KLHDC1: variants seen among roughly 807,000 people sequenced by gnomAD.
KLHDC1 encodes kelch domain-containing protein 1.
In KLHDC1, 53 loss-of-function variants were observed where a neutral mutation model predicts 68.3. That is an observed-to-expected ratio of 0.78 (90% CI 0.62 to 0.98). The LOEUF (loss-of-function observed/expected upper bound fraction) is 0.98, where lower values mean the gene tolerates loss of function less well. KLHDC1 is among the 50% of genes least tolerant of loss of function. KLHDC1 has a pLI of 0.00. For synonymous variants in KLHDC1, 148 were observed against 159.0 expected (o/e 0.93, Z 0.52); for missense variants, 470 against 492.3 (o/e 0.95, Z 0.43).
chr14:49,703,404 A>G (rs947296144), intron 1 of KLHDC1, among the ~76,000 whole-genome samples: 2 of 151,142 alleles, frequency 1.3e-5, no homozygotes, highest in African/African-American at 4.9e-5. Flanking sequence ...TTGCAGTGAC[A>G]TGATCTTAGC....
chr14:49,699,265 A>G (rs1887832948), intron 1 of KLHDC1, among the ~76,000 whole-genome samples: 1 of 152,108 alleles, frequency 6.6e-6, no homozygotes, highest in Admixed American at 6.6e-5. Context: ...AGATGCTGTA[A>G]GAACCACTCT....
chr14:49,701,362 T>C (rs1047922826), intron 1 of KLHDC1, among the ~76,000 whole-genome samples: 3 of 151,932 alleles, frequency 2.0e-5, no homozygotes, highest in Non-Finnish European at 4.4e-5. Context: ...ATCAGACTTC[T>C]AAAAAACTGA....
chr14:49,741,339 G>A (rs946501618), intron 11 of KLHDC1, among the ~76,000 whole-genome samples: 34 of 148,724 alleles, frequency 2.3e-4, no homozygotes, highest in African/African-American at 7.7e-4. Flanking sequence ...ACAGGATTTC[G>A]CTGTTACCCA....
At chr14:49,696,915 A>G (rs1887759952) in intron 1 of KLHDC1, among the ~76,000 whole-genome samples, 2 of 151,066 alleles carry the variant, frequency 1.3e-5, no homozygotes, top group Admixed American at 1.3e-4. Flanking sequence ...AGTCCATTGT[A>G]GGGTTACTAA....
chr14:49,696,563 C>G (rs905392260), intron 1 of KLHDC1, among the ~76,000 whole-genome samples: 1 of 152,138 alleles, frequency 6.6e-6, no homozygotes, highest in African/African-American at 2.4e-5. Flanking sequence ...TTTCTCAATT[C>G]TCTCAGCCTT....
chr14:49,706,543 A>G (rs1375596586), intron 1 of KLHDC1, among the ~76,000 whole-genome samples: 1 of 152,144 alleles, frequency 6.6e-6, no homozygotes, highest in Non-Finnish European at 1.5e-5. Context: ...TTTAGTTTTT[A>G]AAGAAACCTC....
At chr14:49,732,166 G>T (rs777303288) in intron 8 of KLHDC1, among the ~76,000 whole-genome samples, 20 of 151,454 alleles carry the variant, frequency 1.3e-4, no homozygotes, top group Non-Finnish European at 2.5e-4. Context: ...CATTAACGGA[G>T]AATTGACTTT....
chr14:49,704,014 T>A (rs747944019), intron 1 of KLHDC1, among the ~76,000 whole-genome samples: 2 of 152,206 alleles, frequency 1.3e-5, no homozygotes, highest in Non-Finnish European at 2.9e-5. Context: ...ATCTCCAAAA[T>A]TATTTGGAAA....
chr14:49,729,158 ACAG>A, intron 7 of KLHDC1, 149 bp downstream of exon 7: 4 of 627,910 alleles, frequency 6.4e-6, no homozygotes, highest in Non-Finnish European at 1.1e-5. Flanking sequence ...TAATTCATAA[ACAG>A]ACCATACATG....
rs1175705109 is a variant in KLHDC1 at position 49,726,058 on chromosome 14, C to T, written c.567+289C>T. Among the ~76,000 whole-genome samples, 4 of 152,030 alleles carry T rather than the reference C, an allele frequency of 2.6e-5. No homozygotes were observed. In the East Asian group the frequency reaches 5.8e-4, roughly 22 times the overall value. ...AGACGGAATTTTGCCATGTTGGCCA[C>T]GCTGGTCTGGAACTCCTGACCTCAA... On this transcript the variant is annotated intron_variant, in intron 6 of 12. Coordinates refer to ENST00000359332, the MANE Select transcript of KLHDC1 (RefSeq NM_172193.3).
At chr14:49,724,535 A>G (rs1888616745) in intron 5 of KLHDC1, among the ~76,000 whole-genome samples, 1 of 151,952 alleles carries the variant, frequency 6.6e-6, no homozygotes, top group African/African-American at 2.4e-5. Context: ...ACATTAGTGT[A>G]AATACATATA....
intron 1 of KLHDC1, among the ~76,000 whole-genome samples, chr14:49,703,342 GA>G (rs1053593456): frequency 6.7e-5 from 10 of 150,348 alleles, no homozygotes. Flanking sequence ...TTTCTTTCAT[GA>G]ATTTTTTTTT....
chr14:49,747,056 C>G (rs1425093647), intron 12 of KLHDC1, among the ~76,000 whole-genome samples: 2 of 151,804 alleles, frequency 1.3e-5, no homozygotes, highest in African/African-American at 2.4e-5. Context: ...ACGCCATTCT[C>G]CTGCCTCAGC....
At chr14:49,750,606 C>G (rs1007774588) in intron 12 of KLHDC1, among the ~76,000 whole-genome samples, 2 of 152,096 alleles carry the variant, frequency 1.3e-5, no homozygotes, top group African/African-American at 4.8e-5. Flanking sequence ...GCTAAAGTTA[C>G]CCACAGCAGA....
In KLHDC1 at chr14:49,710,316, C is replaced by G. The variant is rs373777909; in HGVS notation, c.339C>G (p.Ile113Met). 1 of 1,612,426 alleles carries G rather than the reference C, an allele frequency of 6.2e-7. No homozygotes were observed. Among genetic ancestry groups the G allele is most frequent in the Non-Finnish European group, 8.5e-7 (1 of 1,178,774 alleles). The change falls in exon 4 of 13, where the codon ATC becomes ATG. Residue 113 changes from isoleucine (I) to methionine (M), a missense_variant. By Grantham distance (10) the Ile-to-Met change is conservative (BLOSUM62 1). Coordinates refer to ENST00000359332, the MANE Select transcript of KLHDC1 (RefSeq NM_172193.3). The part of the protein sequence containing the change: ...TRDETYIWEK[I>M]TDFEGQPPTP... ...ATGAAACCTACATTTGGGAGAAAAT[C>G]ACCGACTTTGAAGGGCAACCACCTA...
At chr14:49,728,586 G>GGA (rs1888727610) in intron 6 of KLHDC1, among the ~76,000 whole-genome samples, 1 of 151,918 alleles carries the variant, frequency 6.6e-6, no homozygotes, top group Non-Finnish European at 1.5e-5. Flanking sequence ...GAGAAACAGA[G>GGA]GAGAGAGGGA....
chr14:49,722,267 TC>T (rs1288561938), intron 4 of KLHDC1, among the ~76,000 whole-genome samples: 1 of 152,172 alleles, frequency 6.6e-6, no homozygotes, highest in Non-Finnish European at 1.5e-5. Context: ...CCTAAGGCTA[TC>T]CCCGACCCCA....
intron 6 of KLHDC1, among the ~76,000 whole-genome samples, chr14:49,728,059 C>T (rs566195428): frequency 2.6e-5 from 4 of 152,310 alleles, no homozygotes; most frequent in South Asian, 2.1e-4. Context: ...TAATGGCTCA[C>T]GCCTGTAATC....
chr14:49,732,672 G>C (rs372926465), intron 8 of KLHDC1, 32 bp from the exon 9 acceptor site: 4 of 1,089,870 alleles, frequency 3.7e-6, no homozygotes, highest in Non-Finnish European at 5.6e-6. Context: ...GATTAATATA[G>C]TACCTAGACT....
Sources: allele counts gnomAD v4.1 joint callset (sites outside exome capture counted in the v4.1 genomes callset), GRCh38; gene constraint gnomAD v4.1.1; transcripts MANE v1.5; gene names NCBI Gene and HGNC (gene_info 2026-07-23, HGNC 2026-07-21).